The following MBD5 variants were observed in gnomAD, a reference collection of about 807,000 sequenced individuals.
MBD5 encodes methyl-CpG binding domain protein 5, also known as methyl-CpG-binding domain protein 5.
Under a neutral mutation model 117.3 loss-of-function variants are expected in MBD5, and 13 were observed. The observed-to-expected ratio is 0.11, with a 90% confidence interval of 0.07 to 0.18. MBD5 has a LOEUF of 0.18. MBD5 is among the 10% of genes least tolerant of loss of function. The pLI is 1.00. For missense variants in MBD5, 1,879 were observed against 2,093.8 expected (o/e 0.90, Z 2.00); for synonymous variants, 727 against 766.4 (o/e 0.95, Z 0.85).
intron 1 of MBD5, among the ~76,000 whole-genome samples, chr2:148,176,964 A>G (rs1698406871): frequency 6.6e-6 from 1 of 152,094 alleles, no homozygotes; most frequent in Admixed American, 6.6e-5. Context: ...ATTATGGAAT[A>G]TAACATTTCC....
chr2:148,032,727 A>G (rs1406634939), intron 1 of MBD5, among the ~76,000 whole-genome samples: 2 of 152,116 alleles, frequency 1.3e-5, no homozygotes. Flanking sequence ...ATTAATTATA[A>G]AAGATTTGTG....
intron 3 of MBD5, among the ~76,000 whole-genome samples, chr2:148,319,923 G>A (rs1370826849): frequency 1.3e-5 from 2 of 152,094 alleles, no homozygotes; most frequent in East Asian, 1.9e-4. Flanking sequence ...TTGGAAGTGT[G>A]TTTCTTCTAT....
Position 148,141,630 on chromosome 2 carries a change from A to G in MBD5, c.-924-37070A>G, listed in dbSNP as rs373371162. Among the ~76,000 whole-genome samples, 102 of 152,202 alleles carry G rather than the reference A, an allele frequency of 6.7e-4. 3 individuals are homozygous for G. The highest frequency in any genetic ancestry group is 2.4e-3 in the African/African-American group (98 of 41,518). ...GCTTTGAAATACAAAATATGATAAC[A>G]TAAGTAAAAACCAAAAGCCAGGCAT... is the stretch of plus-strand genomic sequence containing the variant. On this transcript the variant is annotated intron_variant, in intron 1 of 13. Transcript: ENST00000642680.
At chr2:148,169,888 T>C (rs985147263) in intron 1 of MBD5, among the ~76,000 whole-genome samples, 2 of 131,614 alleles carry the variant, frequency 1.5e-5, no homozygotes, top group African/African-American at 5.6e-5. Context: ...TCATACCCAA[T>C]AAGGGATTCT....
chr2:148,345,695 A>G (rs1280404704), intron 4 of MBD5, among the ~76,000 whole-genome samples: 1 of 148,702 alleles, frequency 6.7e-6, no homozygotes. Flanking sequence ...GTGTGTATAT[A>G]TGTATTATAT....
chr2:148,360,256 T>C (rs1373201986), intron 4 of MBD5, among the ~76,000 whole-genome samples: 2 of 152,160 alleles, frequency 1.3e-5, no homozygotes, highest in African/African-American at 2.4e-5. Flanking sequence ...GTGGAAGCTG[T>C]AGTTTCTGAT....
chr2:148,506,132 T>C (rs1036166925), intron 12 of MBD5, among the ~76,000 whole-genome samples: 10 of 152,242 alleles, frequency 6.6e-5, no homozygotes, highest in African/African-American at 1.9e-4. Flanking sequence ...TAATCCTCAG[T>C]ATCCTCAATC....
chr2:148,054,772 G>T (rs1694812127), intron 1 of MBD5: 1 of 152,152 alleles, frequency 6.6e-6, no homozygotes, highest in Admixed American at 6.5e-5. Flanking sequence ...CACTACCCTT[G>T]GGTATGTTTA....
chr2:148,317,802 T>C (rs141863375), intron 3 of MBD5, among the ~76,000 whole-genome samples: 1 of 152,380 alleles, frequency 6.6e-6, no homozygotes, highest in East Asian at 1.9e-4. Flanking sequence ...TTCTTTTTTA[T>C]GGCTGAGTAG....
rs572475024 is a variant in MBD5 at position 148,046,838 on chromosome 2, A to T, written c.-925+25154A>T. Among the ~76,000 whole-genome samples, 124 of 152,220 alleles carry T rather than the reference A, an allele frequency of 8.1e-4. 1 individual carries two copies. Among genetic ancestry groups the T allele is most frequent in the African/African-American group, 2.7e-3 (113 of 41,520 alleles). On this transcript the variant is annotated intron_variant, in intron 1 of 13. Transcript: ENST00000642680. ...TGGTTATGTCACTACCCTAATTAAAAACCTTGTGGATTGTTCCTTTTTATT... is the reference window on the plus strand; with the variant it reads ...TGGTTATGTCACTACCCTAATTAAATACCTTGTGGATTGTTCCTTTTTATT...
chr2:148,418,800 C>A (rs1345955190), intron 4 of MBD5, among the ~76,000 whole-genome samples: 1 of 151,902 alleles, frequency 6.6e-6, no homozygotes, highest in East Asian at 1.9e-4. Flanking sequence ...CATAGTGCCC[C>A]AAACAATCTA....
intron 3 of MBD5, among the ~76,000 whole-genome samples, chr2:148,302,989 A>G (rs1231856056): frequency 1.3e-5 from 2 of 149,216 alleles, no homozygotes; most frequent in East Asian, 3.9e-4. Context: ...TATATATTAT[A>G]TATATTTATT....
intron 4 of MBD5, among the ~76,000 whole-genome samples, chr2:148,427,492 A>G (rs970028855): frequency 6.6e-6 from 1 of 152,288 alleles, no homozygotes; most frequent in Admixed American, 6.5e-5. Flanking sequence ...CTTTGTAGGG[A>G]CATGGATGAA....
intron 3 of MBD5, among the ~76,000 whole-genome samples, chr2:148,332,263 G>A (rs1226951106): frequency 6.6e-6 from 1 of 152,014 alleles, no homozygotes. Flanking sequence ...ATATTCAATT[G>A]TGCATGTTAT....
intron 4 of MBD5, among the ~76,000 whole-genome samples, chr2:148,373,938 C>A (rs993585538): frequency 6.6e-6 from 1 of 151,986 alleles, no homozygotes; most frequent in Non-Finnish European, 1.5e-5. Context: ...CCCAAAAAAT[C>A]CAAAATGCCC....
chr2:148,424,284 AG>A (rs1574409425), intron 4 of MBD5, among the ~76,000 whole-genome samples: 1 of 151,378 alleles, frequency 6.6e-6, no homozygotes. Context: ...AAAGAGACAA[AG>A]AAGGGCATTA....
intron 12 of MBD5, among the ~76,000 whole-genome samples, chr2:148,503,387 T>C (rs1681930008): frequency 6.6e-6 from 1 of 152,230 alleles, no homozygotes; most frequent in Non-Finnish European, 1.5e-5. Flanking sequence ...CCATTTTAAC[T>C]TCTGTTTGTA....
chr2:148,238,749 C>T (rs1700144677), intron 3 of MBD5, among the ~76,000 whole-genome samples: 2 of 152,054 alleles, frequency 1.3e-5, no homozygotes, highest in Non-Finnish European at 2.9e-5. Flanking sequence ...CAATTTTTGG[C>T]ATTCCATGGC....
At chr2:148,231,929 T>A (rs1228855856) in intron 2 of MBD5, among the ~76,000 whole-genome samples, 1 of 152,014 alleles carries the variant, frequency 6.6e-6, no homozygotes, top group African/African-American at 2.4e-5. Flanking sequence ...AGGCCAATGG[T>A]GAAGAGGGTA....
Sources: gnomAD v4.1 joint callset for allele counts (sites outside exome capture counted in the v4.1 genomes callset) on GRCh38, gnomAD v4.1.1 for gene constraint, MANE v1.5 for transcripts, NCBI Gene and HGNC (gene_info 2026-07-23, HGNC 2026-07-21) for gene names.